SIGLEC8: variants seen among roughly 807,000 people sequenced by gnomAD.
The protein encoded by SIGLEC8 is sialic acid-binding Ig-like lectin 8.
Under a neutral mutation model 42.1 loss-of-function variants are expected in SIGLEC8, and 32 were observed. The ratio of observed to expected loss-of-function variants is 0.76; its 90% CI spans 0.57 to 1.02. SIGLEC8 has a LOEUF of 1.02. Among genes scored for constraint, SIGLEC8 ranks in the 50% least tolerant of loss-of-function variants. The probability of loss-of-function intolerance (pLI) is 0.00; values close to 1 mark genes in which losing one functional copy is unlikely to be tolerated. For synonymous variants in SIGLEC8, 262 were observed against 260.3 expected (o/e 1.01, Z -0.06); for missense variants, 611 against 610.2 (o/e 1.00, Z -0.01).
intron 3 of SIGLEC8, among the ~76,000 whole-genome samples, chr19:51,456,601 G>A (rs34989881): frequency 0.046 from 6,981 of 152,240 alleles, 214 homozygotes; most frequent in Non-Finnish European, 0.076. Context: ...AATCACACAC[G>A]GTCCTAGAGG....
chr19:51,453,885 A>C, intron 6 of SIGLEC8: 2 of 985,266 alleles, frequency 2.0e-6, no homozygotes, highest in Non-Finnish European at 2.4e-6. Flanking sequence ...TAGGAAAAAT[A>C]ATGAGAGGGG....
rs192849690 is a variant in SIGLEC8 at position 51,452,937 on chromosome 19, C to T, written c.1246-304G>A. On this transcript the variant is annotated intron_variant, in intron 6 of 6. Coordinates refer to ENST00000321424, the MANE Select transcript of SIGLEC8 (RefSeq NM_014442.3). ...CCCAAAGTCCCTGTTGCAGCAGGAC[C>T]CAATCCATCTGTTCCTTCTGACCCC... 7.6e-4 allele frequency among the ~76,000 whole-genome samples: 115 copies of T among 152,220 alleles called. No homozygotes were observed. The Middle Eastern group carries it at 0.014, about 18-fold the overall frequency.
Position 51,455,706 on chromosome 19 carries a change from A to G in SIGLEC8, c.782-19T>C. 1.2e-6 allele frequency: 2 copies of G among 1,606,502 alleles called. No homozygotes were observed. Among genetic ancestry groups the G allele is most frequent in the South Asian group, 2.2e-5 (2 of 90,350 alleles). Reference sequence around the variant, plus strand: ...GTGGATGCTGCAGAGAAAGAGACAGAGGGTCATCCCATTACTGGGTATATA... The same window carrying G: ...GTGGATGCTGCAGAGAAAGAGACAGGGGGTCATCCCATTACTGGGTATATA... On this transcript the variant is annotated intron_variant, in intron 3 of 6. Coordinates refer to ENST00000321424, the MANE Select transcript of SIGLEC8 (RefSeq NM_014442.3).
At chr19:51,457,322 G>C (rs1373446334) in intron 2 of SIGLEC8, 91 bp from the exon 3 acceptor site, 1 of 1,502,222 alleles carries the variant, frequency 6.7e-7, no homozygotes, top group African/African-American at 1.4e-5. Context: ...AGGGAAAATG[G>C]AGTCGGCATT....
At chr19:51,456,757 G>T (rs1599929875) in intron 3 of SIGLEC8, among the ~76,000 whole-genome samples, 1 of 152,208 alleles carries the variant, frequency 6.6e-6, no homozygotes, top group Non-Finnish European at 1.5e-5. Context: ...TGTGCATTTT[G>T]AATTTCTGCC....
At chr19:51,455,981 A>G (rs148605420) in intron 3 of SIGLEC8, among the ~76,000 whole-genome samples, 3,347 of 151,644 alleles carry the variant, frequency 0.022, 99 homozygotes, top group African/African-American at 0.072. Flanking sequence ...AAGGACAAAA[A>G]AACAAACACC....
rs750445120 is a variant in SIGLEC8 at position 51,454,291 on chromosome 19, C to T, written c.1173G>A (p.Ser391=). ...CCCCCACGCCCGCTGCTGGCCTTGC[C>T]GATTTCTTCCTGCAGGACCTCACTC... ...FIIVRSCRKK[S]ARPAAGVGDT... Residue 391 remains serine (S), a synonymous_variant, in exon 6 of 7, where the codon TCG becomes TCA. Transcript: ENST00000321424. The surrounding 1 kb of genome is among the most constrained non-coding windows in gnomAD (Gnocchi z 4.7). 9 of 1,613,804 alleles carry T rather than the reference C, an allele frequency of 5.6e-6. No homozygotes were observed. The highest frequency in any genetic ancestry group is 2.2e-5 in the East Asian group (1 of 44,882).
In SIGLEC8 at chr19:51,455,287, C is replaced by T. The variant is rs1043993691; in HGVS notation, c.1051+131G>A. On this transcript the variant is annotated intron_variant, in intron 4 of 6. Coordinates refer to ENST00000321424, the MANE Select transcript of SIGLEC8 (RefSeq NM_014442.3). ...GGGAGAGGACAGTGATGCTCTGGGT[C>T]GCAGGGAAGTTCCAGGCCTCACAGC... 1.8e-5 allele frequency: 22 copies of T among 1,189,936 alleles called. No homozygotes were observed. The African/African-American group carries it at 2.6e-4, about 14-fold the overall frequency. The allele number at this position is 1,189,936 out of a possible 1,614,324, so 73.7% of individuals were successfully genotyped here.
chr19:51,453,845 A>C lies in SIGLEC8; in HGVS notation c.1245+374T>G, dbSNP rs977149273. The C allele has an allele frequency of 2.3e-5, 23 of 985,374 alleles. No individual in the cohort carries two copies. The East Asian group carries it at 1.9e-3, about 83-fold the overall frequency. The allele number at this position is 985,374 out of a possible 1,614,324, so 61.0% of individuals were successfully genotyped here. A position where few individuals can be genotyped will look rare whatever the true frequency, so the allele number is the denominator to read the frequency against. ...CACAGGTTAGTGGCGTAAGGATGAC[A>C]AGCCGGTCAAAGAAATCAGGTCCCG... On this transcript the variant is annotated intron_variant, in intron 6 of 6. Coordinates refer to ENST00000321424, the MANE Select transcript of SIGLEC8 (RefSeq NM_014442.3).
chr19:51,454,300 C>T lies in SIGLEC8; in HGVS notation c.1164G>A (p.Arg388=), dbSNP rs758065524. 2 of 1,613,694 alleles carry T rather than the reference C, an allele frequency of 1.2e-6. No homozygotes were observed. The highest frequency in any genetic ancestry group is 3.3e-5 in the Admixed American group (2 of 60,024). ...CCGCTGCTGGCCTTGCCGATTTCTT[C>T]CTGCAGGACCTCACTCTGAGTGAAG... The part of the protein sequence containing the change: ...CIIFIIVRSC[R]KKSARPAAGV... The change falls in exon 6 of 7, where the codon AGG becomes AGA. Residue 388 remains arginine (R), a synonymous_variant. Transcript: ENST00000321424. The surrounding 1 kb of genome is among the most constrained non-coding windows in gnomAD (Gnocchi z 4.7).
rs765817368 is a variant in SIGLEC8, at chr19:51,452,581, G to C, written c.1298C>G (p.Pro433Arg). 7 of 1,576,886 alleles carry C rather than the reference G, an allele frequency of 4.4e-6. No individual in the cohort carries two copies. The Admixed American group carries it at 1.1e-4, about 24-fold the overall frequency. Reference protein sequence around the residue: ...KDGNPLKKPPPAVAPSSGEEG... With the variant: ...KDGNPLKKPPRAVAPSSGEEG... Reference sequence around the variant, plus strand: ...CTCCCCTGACGAGGGGGCAACAGCTGGGGGAGGCTTCTTCAGGGGGTTGCC... The same window carrying C: ...CTCCCCTGACGAGGGGGCAACAGCTCGGGGAGGCTTCTTCAGGGGGTTGCC... The change falls in exon 7 of 7, where the codon CCA (proline) becomes CGA (arginine). Residue 433 changes from proline to arginine, a missense_variant. By Grantham distance (103) the Pro-to-Arg change is moderately radical. Transcript: ENST00000321424.
rs895145156 is a variant in SIGLEC8, at chr19:51,457,710, G to T, written c.484C>A (p.Leu162Ile). 6.3e-7 allele frequency: 1 copy of T among 1,593,240 alleles called. No individual in the cohort carries two copies. The highest frequency in any genetic ancestry group is 8.5e-7 in the Non-Finnish European group (1 of 1,170,984). ...ALTHRPDILI[L>I]GTLESGHSRN... ...GAGTGGCCAGACTCTAGGGTCCCTA[G>T]GATGAGGATGTCAGGCCTATGGGTC... Residue 162 changes from leucine (L) to isoleucine (I), a missense_variant, in exon 2 of 7, where the codon CTA (leucine) becomes ATA (isoleucine). By Grantham distance (5) the Leu-to-Ile change is conservative (BLOSUM62 2). Transcript: ENST00000321424.
Position 51,455,540 on chromosome 19 carries a change from G to A in SIGLEC8, c.929C>T (p.Pro310Leu). ...CACTCGAGGCAGCTCCAGCAGCCCA[G>A]GGTTTGAGGACCGTGAGGGGCACAG... is the stretch of plus-strand genomic sequence containing the variant. ...LTLCPSRSSNPGLLELPRVHV... is the reference protein window; with the variant it reads ...LTLCPSRSSNLGLLELPRVHV... The change falls in exon 4 of 7, where the codon CCT (proline) becomes CTT (leucine). Residue 310 changes from proline (P) to leucine (L), a missense_variant. Physicochemically the swap from Pro to Leu is moderately conservative, Grantham distance 98. Coordinates refer to ENST00000321424, the MANE Select transcript of SIGLEC8 (RefSeq NM_014442.3). The A allele has an allele frequency of 6.2e-7, 1 of 1,614,098 alleles. No individual in the cohort carries two copies. Among genetic ancestry groups the A allele is most frequent in the South Asian group, 1.1e-5 (1 of 91,072 alleles).
At chr19:51,457,823 C>T (rs1989534188) in intron 1 of SIGLEC8, 84 bp from the exon 2 acceptor site, 3 of 1,548,930 alleles carry the variant, frequency 1.9e-6, no homozygotes, top group Non-Finnish European at 2.6e-6. Flanking sequence ...CCAGCTCCTC[C>T]CCGGAGACCG....
chr19:51,457,264 T>C, intron 2 of SIGLEC8, 33 bp from the exon 3 acceptor site: 2 of 1,602,864 alleles, frequency 1.2e-6, no homozygotes, highest in Non-Finnish European at 8.5e-7. Flanking sequence ...CCCACATTAC[T>C]ATAAGGACTG....
In SIGLEC8 at chr19:51,454,103, AAGG is replaced by A. The variant is rs1989431509; in HGVS notation, c.1245+113_1245+115del. On this transcript the variant is annotated intron_variant, in intron 6 of 6. Coordinates refer to ENST00000321424, the MANE Select transcript of SIGLEC8 (RefSeq NM_014442.3). This position sits in a 1 kb window ranked among gnomAD's most constrained non-coding sequence, Gnocchi z 4.7. Reference sequence around the variant, plus strand: ...AGTCCTGTAGAAGCCGGCCTGTGGGAAGGAGGAGGAGACGAGGAAGTGACTTTG... The same window carrying A: ...AGTCCTGTAGAAGCCGGCCTGTGGGAAGGAGGAGACGAGGAAGTGACTTTG... The A allele has an allele frequency of 4.0e-6, 6 of 1,518,184 alleles. No individual in the cohort carries two copies. Among genetic ancestry groups the A allele is most frequent in the South Asian group, 1.3e-5 (1 of 78,226 alleles). 94.0% of individuals were successfully genotyped at this position (1,518,184 alleles called of 1,614,324 possible). A position where few individuals can be genotyped will look rare whatever the true frequency, so the allele number is the denominator to read the frequency against.
At chr19:51,455,918 C>T (rs1222776164) in intron 3 of SIGLEC8, among the ~76,000 whole-genome samples, 3 of 152,136 alleles carry the variant, frequency 2.0e-5, no homozygotes, top group East Asian at 1.9e-4. Flanking sequence ...AGTTCATGTC[C>T]TTTGTAGGGA....
In SIGLEC8 at chr19:51,454,249, A is replaced by G. The variant is rs141020441; in HGVS notation, c.1215T>C (p.Asp405=). The change falls in exon 6 of 7, where the codon GAT becomes GAC. Residue 405 remains aspartate, a synonymous_variant. Coordinates refer to ENST00000321424, the MANE Select transcript of SIGLEC8 (RefSeq NM_014442.3). This position sits in a 1 kb window ranked among gnomAD's most constrained non-coding sequence, Gnocchi z 4.7. ...AGGCCGAGCCCCTGATGGCCTTTGCATCTTCCATGCCTGTATCCCCCACGC... is the reference window on the plus strand; with the variant it reads ...AGGCCGAGCCCCTGATGGCCTTTGCGTCTTCCATGCCTGTATCCCCCACGC... ...AAGVGDTGME[D]AKAIRGSASQ... The G allele has an allele frequency of 2.4e-3, 3,875 of 1,611,086 alleles. 16 individuals carry two copies. The highest frequency in any genetic ancestry group is 2.9e-3 in the Non-Finnish European group (3,422 of 1,177,164).
At chr19:51,457,295 C>A (rs1198384329) in intron 2 of SIGLEC8, 64 bp from the exon 3 acceptor site, 8 of 1,542,286 alleles carry the variant, frequency 5.2e-6, no homozygotes, top group Non-Finnish European at 7.1e-6. Flanking sequence ...CCCTGTCTTC[C>A]CAGGAGCTGC....
Sources: allele counts gnomAD v4.1 joint callset (sites outside exome capture counted in the v4.1 genomes callset), GRCh38; gene constraint gnomAD v4.1.1; non-coding constraint Gnocchi (gnomAD v3.1); transcripts MANE v1.5; gene names NCBI Gene and HGNC (gene_info 2026-07-23, HGNC 2026-07-21).